Variants in ESRRG observed in about 807,000 individuals in gnomAD.
ESRRG encodes the protein estrogen-related receptor gamma.
A neutral mutation model predicts 44.0 loss-of-function variants in ESRRG; 13 were observed. The observed-to-expected ratio is 0.30, with a 90% CI of 0.19 to 0.47. The LOEUF (loss-of-function observed/expected upper bound fraction) is 0.47, where lower values mean the gene tolerates loss of function less well. ESRRG is among the 20% of genes least tolerant of loss of function. ESRRG has a pLI of 1.00. For missense variants in ESRRG, 395 were observed against 580.6 expected (o/e 0.68, Z 3.29); for synonymous variants, 215 against 214.6 (o/e 1.00, Z -0.02).
intron 2 of ESRRG, among the ~76,000 whole-genome samples, chr1:216,934,193 G>A (rs1015427625): frequency 3.3e-5 from 5 of 152,190 alleles, no homozygotes; most frequent in African/African-American, 7.2e-5. Context: ...CAGCACTTTA[G>A]GAGGCTGAGG....
intron 2 of ESRRG, among the ~76,000 whole-genome samples, chr1:216,774,055 G>C (rs780098173): frequency 1.8e-4 from 28 of 152,038 alleles, no homozygotes; most frequent in Non-Finnish European, 2.9e-5. Context: ...ACCATTTAAA[G>C]ATGAATGCGT....
chr1:216,788,982 T>A (rs1336639304), intron 2 of ESRRG, among the ~76,000 whole-genome samples: 1 of 152,140 alleles, frequency 6.6e-6, no homozygotes, highest in Non-Finnish European at 1.5e-5. Context: ...AAAACTTGAA[T>A]AGAGGAGGAG....
chr1:216,808,397 G>T (rs1363274298), intron 2 of ESRRG, among the ~76,000 whole-genome samples: 1 of 152,076 alleles, frequency 6.6e-6, no homozygotes, highest in Admixed American at 6.6e-5. Flanking sequence ...CTCAATGAGA[G>T]AGCATCAATG....
chr1:217,118,243 G>T (rs562424481), intron 1 of ESRRG, among the ~76,000 whole-genome samples: 1 of 152,332 alleles, frequency 6.6e-6, no homozygotes, highest in South Asian at 2.1e-4. Flanking sequence ...CAAACAGTCT[G>T]ATTCTGAATC....
At chr1:217,020,024 C>G (rs184549844) in intron 1 of ESRRG, among the ~76,000 whole-genome samples, 8 of 152,298 alleles carry the variant, frequency 5.3e-5, no homozygotes, top group Admixed American at 4.6e-4. Flanking sequence ...CCTAATACTA[C>G]TTGCCATGGA....
At chr1:217,137,322 C>G (rs557163588) in intron 1 of ESRRG, among the ~76,000 whole-genome samples, 1 of 152,242 alleles carries the variant, frequency 6.6e-6, no homozygotes, top group Non-Finnish European at 1.5e-5. Flanking sequence ...CTCTTAAACG[C>G]AAAAGTTACT....
At chr1:216,840,008 C>T (rs1427042830) in intron 2 of ESRRG, among the ~76,000 whole-genome samples, 2 of 152,306 alleles carry the variant, frequency 1.3e-5, no homozygotes, top group East Asian at 1.9e-4. Context: ...AAGTCAACAG[C>T]TGCAGTAGAC....
chr1:216,796,281 C>A (rs2094468866), intron 2 of ESRRG, among the ~76,000 whole-genome samples: 1 of 152,160 alleles, frequency 6.6e-6, no homozygotes, highest in Non-Finnish European at 1.5e-5. Flanking sequence ...CCCCACTGGG[C>A]TCCCAGATGC....
At chr1:216,872,585 A>C (rs1373383079) in intron 2 of ESRRG, among the ~76,000 whole-genome samples, 1 of 151,878 alleles carries the variant, frequency 6.6e-6, no homozygotes, top group Non-Finnish European at 1.5e-5. Flanking sequence ...CCATTTTCCT[A>C]TTGAGCAGAC....
At chr1:217,031,963 T>C (rs2082134262) in intron 1 of ESRRG, among the ~76,000 whole-genome samples, 1 of 152,196 alleles carries the variant, frequency 6.6e-6, no homozygotes, top group Non-Finnish European at 1.5e-5. Flanking sequence ...TATAGCAGCA[T>C]GAGAACAGAC....
At chr1:216,901,677 A>G (rs1227587799) in intron 2 of ESRRG, among the ~76,000 whole-genome samples, 3 of 152,034 alleles carry the variant, frequency 2.0e-5, no homozygotes, top group Non-Finnish European at 4.4e-5. Flanking sequence ...GCCTTCTCCC[A>G]TCTTTCTAAT....
chr1:217,015,168 G>C (rs1431486164), intron 1 of ESRRG, among the ~76,000 whole-genome samples: 1 of 152,146 alleles, frequency 6.6e-6, no homozygotes, highest in African/African-American at 2.4e-5. Flanking sequence ...ACCCCATATA[G>C]GTTAGCTTCT....
At chr1:216,907,156 G>A (rs1560062357) in intron 2 of ESRRG, among the ~76,000 whole-genome samples, 1 of 152,162 alleles carries the variant, frequency 6.6e-6, no homozygotes, top group Non-Finnish European at 1.5e-5. Flanking sequence ...AAAAGGCATC[G>A]CCTGGCCACC....
intron 2 of ESRRG, among the ~76,000 whole-genome samples, chr1:216,879,585 G>A (rs544118802): frequency 1.3e-5 from 2 of 151,782 alleles, no homozygotes; most frequent in African/African-American, 2.4e-5. Flanking sequence ...AGAGTGAAGA[G>A]AGGATCTCTA....
intron 2 of ESRRG, among the ~76,000 whole-genome samples, chr1:216,814,701 C>A (rs1050135182): frequency 2.6e-5 from 4 of 152,174 alleles, no homozygotes; most frequent in African/African-American, 9.7e-5. Flanking sequence ...ACCTTCACAA[C>A]TATAAACTGT....
intron 1 of ESRRG, among the ~76,000 whole-genome samples, chr1:216,699,649 G>C (rs1372021480): frequency 6.6e-6 from 1 of 151,212 alleles, no homozygotes. Flanking sequence ...ATTTTCACTT[G>C]TTACACTGAA....
intron 2 of ESRRG, among the ~76,000 whole-genome samples, chr1:216,830,073 C>G (rs753101974): frequency 2.6e-5 from 4 of 152,174 alleles, no homozygotes; most frequent in Non-Finnish European, 5.9e-5. Context: ...TTAACATCCT[C>G]TCCCTGCTGA....
At chr1:217,019,398 T>C (rs2079944836) in intron 1 of ESRRG, among the ~76,000 whole-genome samples, 1 of 152,186 alleles carries the variant, frequency 6.6e-6, no homozygotes, top group Non-Finnish European at 1.5e-5. Context: ...GGGGAGTTAC[T>C]TCATGTGTTG....
chr1:216,941,544 A>C (rs2065226143), intron 1 of ESRRG, among the ~76,000 whole-genome samples: 1 of 152,148 alleles, frequency 6.6e-6, no homozygotes, highest in African/African-American at 2.4e-5. Context: ...ACTATCTCAA[A>C]GCAGAGGCAT....
Sources: allele counts gnomAD v4.1 joint callset (sites outside exome capture counted in the v4.1 genomes callset), GRCh38; gene constraint gnomAD v4.1.1; transcripts MANE v1.5; gene names NCBI Gene and HGNC (gene_info 2026-07-23, HGNC 2026-07-21).